The following EGFR variants were observed in gnomAD, a reference collection of about 807,000 sequenced individuals.
EGFR encodes epidermal growth factor receptor.
A neutral mutation model predicts 143.0 loss-of-function variants in EGFR; 58 were observed. The ratio of observed to expected loss-of-function variants is 0.41; its 90% CI spans 0.33 to 0.50. The LOEUF is 0.50. Among genes scored for constraint, EGFR ranks in the 20% least tolerant of loss-of-function variants. The pLI is 0.39. For synonymous variants in EGFR, 613 were observed against 594.4 expected, an observed-to-expected ratio of 1.03 and a Z score of -0.45; for missense variants, 1,307 against 1,579.0, an observed-to-expected ratio of 0.83 and a Z score of 2.92.
At chr7:55,019,435 C>CGCGCACCG (rs1413864522) in intron 1 of EGFR, 70 bp downstream of exon 1, 1 of 1,023,726 alleles carries the variant, frequency 9.8e-7, no homozygotes, top group Non-Finnish European at 1.2e-6. Context: ...CCCGCCCAAC[C>CGCGCACCG]GCGCACCGGC....
intron 4 of EGFR, among the ~76,000 whole-genome samples, chr7:55,148,839 G>T (rs1794896599): frequency 6.6e-6 from 1 of 151,750 alleles, no homozygotes; most frequent in African/African-American, 2.4e-5. Flanking sequence ...TGCTCAGAAT[G>T]GATCTCATTT....
chr7:55,200,958 C>A (rs574109484), intron 24 of EGFR, among the ~76,000 whole-genome samples: 1 of 152,162 alleles, frequency 6.6e-6, no homozygotes, highest in Non-Finnish European at 1.5e-5. Context: ...CTATTTGAAT[C>A]TCATGTAGGG....
chr7:55,112,948 T>C (rs1056975705), intron 1 of EGFR, among the ~76,000 whole-genome samples: 2 of 152,206 alleles, frequency 1.3e-5, no homozygotes, highest in Admixed American at 6.5e-5. Context: ...ATCTTGACGA[T>C]CCAGAGATAG....
chr7:55,046,949 A>T (rs115392776), intron 1 of EGFR, among the ~76,000 whole-genome samples: 7 of 152,338 alleles, frequency 4.6e-5, no homozygotes, highest in African/African-American at 1.7e-4. Context: ...CGGTGATATT[A>T]AAAATTAATG....
chr7:55,200,659 C>A (rs1044690511), intron 24 of EGFR: 10 of 578,080 alleles, frequency 1.7e-5, no homozygotes, highest in Non-Finnish European at 2.8e-5. Flanking sequence ...TGCTCGTCCT[C>A]ACTGTCCGGC....
chr7:55,080,539 G>A (rs1317190148), intron 1 of EGFR, among the ~76,000 whole-genome samples: 3 of 152,146 alleles, frequency 2.0e-5, no homozygotes, highest in Non-Finnish European at 2.9e-5. Context: ...CAGGGGCTGG[G>A]AAGGTGTGAG....
chr7:55,195,641 A>G (rs903645236), intron 22 of EGFR, among the ~76,000 whole-genome samples: 3 of 152,144 alleles, frequency 2.0e-5, no homozygotes, highest in Non-Finnish European at 4.4e-5. Flanking sequence ...AGTACCCATT[A>G]GTTATTTTTC....
At chr7:55,106,247 G>A (rs895108927) in intron 1 of EGFR, among the ~76,000 whole-genome samples, 8 of 152,220 alleles carry the variant, frequency 5.3e-5, no homozygotes, top group Non-Finnish European at 7.3e-5. Context: ...GTACGCACAC[G>A]CTCACTGCTC....
intron 20 of EGFR, among the ~76,000 whole-genome samples, chr7:55,191,480 G>A (rs1320574474): frequency 2.0e-5 from 3 of 152,042 alleles, no homozygotes; most frequent in East Asian, 3.9e-4. Context: ...CCTCATATAC[G>A]AGCACCTCTG....
At position 55,146,744 on chromosome 7, in the gene EGFR, AG is replaced by A; in HGVS notation, c.559+5del. ...TTCCAGAACCACCTGGGCAGCTGTA[AG>A]TGTCGCATACACACTATCTCTGCCT... On this transcript the variant is annotated splice_donor_5th_base_variant and intron_variant, in intron 4 of 27. Transcript: ENST00000275493. The A allele has an allele frequency of 6.2e-7, 1 of 1,614,188 alleles. No homozygotes were observed. The highest frequency in any genetic ancestry group is 1.1e-5 in the South Asian group (1 of 91,072).
intron 1 of EGFR, among the ~76,000 whole-genome samples, chr7:55,039,444 C>T (rs1213098396): frequency 6.6e-6 from 1 of 152,134 alleles, no homozygotes; most frequent in Non-Finnish European, 1.5e-5. Context: ...GGACCTTTAA[C>T]GCCCATATCT....
chr7:55,196,189 T>TTTTTTTTTTTTTTTTG (rs1432618854), intron 22 of EGFR, among the ~76,000 whole-genome samples: 3 of 146,150 alleles, frequency 2.1e-5, no homozygotes, highest in Non-Finnish European at 4.5e-5. Flanking sequence ...TTTTTTTTTT[T>TTTTTTTTTTTTTTTTG]TTTTACTTTT....
intron 1 of EGFR, among the ~76,000 whole-genome samples, chr7:55,036,279 G>GT (rs1354130659): frequency 1.1e-5 from 1 of 88,372 alleles, no homozygotes; most frequent in Non-Finnish European, 2.3e-5. Flanking sequence ...TGTGGGGGGG[G>GT]GGGGGTGGGT....
intron 15 of EGFR, chr7:55,166,291 G>A: frequency 5.2e-6 from 3 of 575,376 alleles, no homozygotes; most frequent in Non-Finnish European, 1.0e-5. Context: ...AAGTTGAGCT[G>A]TCATATAGTA....
chr7:55,096,914 G>T (rs1377563645), intron 1 of EGFR, among the ~76,000 whole-genome samples: 1 of 152,172 alleles, frequency 6.6e-6, no homozygotes, highest in Non-Finnish European at 1.5e-5. Flanking sequence ...TGTGCTTGGG[G>T]AATGCAGCTA....
At chr7:55,174,173 A>G (rs2128954050) in intron 18 of EGFR, 130 bp downstream of exon 18, 1 of 1,348,102 alleles carries the variant, frequency 7.4e-7, no homozygotes, top group Non-Finnish European at 1.0e-6. Flanking sequence ...AGTGTTTGGG[A>G]AACTCCAGTG....
chr7:55,196,261 T>C (rs1200137281), intron 22 of EGFR, among the ~76,000 whole-genome samples: 1 of 150,832 alleles, frequency 6.6e-6, no homozygotes, highest in Non-Finnish European at 1.5e-5. Context: ...TTTTATTTCT[T>C]TAATGATCAG....
In EGFR at chr7:55,208,586, C is replaced by G. The variant is rs992072276; in HGVS notation, c.*2969C>G. 8 of 152,146 alleles carry G rather than the reference C, an allele frequency of 5.3e-5. No homozygotes were observed. The South Asian group carries it at 1.7e-3, about 32-fold the overall frequency. 9.4% of individuals were successfully genotyped at this position (152,146 alleles called of 1,614,324 possible). A position where few individuals can be genotyped will look rare whatever the true frequency, so the allele number is the denominator to read the frequency against. On this transcript the variant is annotated 3_prime_UTR_variant, in exon 28 of 28. Coordinates refer to ENST00000275493, the MANE Select transcript of EGFR (RefSeq NM_005228.5). The stretch of plus-strand genomic sequence containing the variant: ...GGAGCTCCTCTAATTACACCATGCC[C>G]GTCACCCCATGAGGGATCAGAGAAG...
At chr7:55,166,203 C>T (rs1354507535) in intron 15 of EGFR, 1 of 511,642 alleles carries the variant, frequency 2.0e-6, no homozygotes. Context: ...AGCAGAAGCA[C>T]TCTGATTGTG....
Sources: allele counts gnomAD v4.1 joint callset (sites outside exome capture counted in the v4.1 genomes callset), GRCh38; gene constraint gnomAD v4.1.1; transcripts MANE v1.5; gene names NCBI Gene and HGNC (gene_info 2026-07-23, HGNC 2026-07-21).